The following RILPL1 variants were observed in gnomAD, a reference collection of about 807,000 sequenced individuals.
RILPL1 encodes Rab interacting lysosomal protein like 1.
Under a neutral mutation model 50.3 loss-of-function variants are expected in RILPL1, and 33 were observed. The observed-to-expected ratio is 0.66, with a 90% CI of 0.50 to 0.88. The LOEUF (loss-of-function observed/expected upper bound fraction) is 0.88. Among genes scored for constraint, RILPL1 ranks in the 40% least tolerant of loss-of-function variants. The probability of loss-of-function intolerance (pLI) is 0.00; values close to 1 mark genes in which losing one functional copy is unlikely to be tolerated. For missense variants in RILPL1, 418 were observed against 542.5 expected (o/e 0.77, Z 2.28); for synonymous variants, 205 against 228.6 (o/e 0.90, Z 0.93).
intron 5 of RILPL1, chr12:123,484,805 G>A (rs1007692032): frequency 3.2e-5 from 8 of 251,336 alleles, no homozygotes; most frequent in African/African-American, 8.9e-5. Context: ...TACAGGGTGA[G>A]CCACCATACC....
At chr12:123,484,041 C>G (rs1042435246) in intron 6 of RILPL1, 139 bp downstream of exon 6, 1 of 617,784 alleles carries the variant, frequency 1.6e-6, no homozygotes, top group Non-Finnish European at 2.9e-6. Flanking sequence ...AACTCAAAGT[C>G]GGGGGCCAGG....
chr12:123,501,783 A>G (rs1164165646), intron 2 of RILPL1, among the ~76,000 whole-genome samples: 12 of 149,762 alleles, frequency 8.0e-5, no homozygotes, highest in Non-Finnish European at 1.5e-4. Context: ...AAGAAAGAAA[A>G]GAAAAAAAAC....
At chr12:123,501,074 C>T (rs1051731701) in intron 2 of RILPL1, among the ~76,000 whole-genome samples, 4 of 151,850 alleles carry the variant, frequency 2.6e-5, no homozygotes, top group African/African-American at 9.7e-5. Flanking sequence ...TGCCATTGGA[C>T]TCCAGCCTGG....
intron 4 of RILPL1, among the ~76,000 whole-genome samples, chr12:123,490,193 G>A (rs1288953962): frequency 6.6e-6 from 1 of 152,044 alleles, no homozygotes; most frequent in Non-Finnish European, 1.5e-5. Flanking sequence ...GTGTCTCTGG[G>A]AGGGACCATC....
intron 4 of RILPL1, among the ~76,000 whole-genome samples, chr12:123,490,025 C>T (rs1882585882): frequency 6.6e-6 from 1 of 152,200 alleles, no homozygotes; most frequent in Non-Finnish European, 1.5e-5. Flanking sequence ...CGAGCAGCAG[C>T]TGCTCCCTTT....
rs1378050220 is a variant in RILPL1, at chr12:123,522,633, G to A, written c.460+862C>T. On this transcript the variant is annotated intron_variant, in intron 2 of 6. Transcript: ENST00000376874. This position sits in a 1 kb window ranked among gnomAD's most constrained non-coding sequence, Gnocchi z 4.0. ...TCTTTATTTTTTTCATCTTACTGTC[G>A]CTCAGGCTGTAGCGCAGTGGTATGA... Among the ~76,000 whole-genome samples, 4 of 151,852 alleles carry A rather than the reference G, an allele frequency of 2.6e-5. No homozygotes were observed. Among genetic ancestry groups the A allele is most frequent in the African/African-American group, 4.8e-5 (2 of 41,278 alleles).
intron 1 of RILPL1, among the ~76,000 whole-genome samples, chr12:123,532,422 A>C (rs917086933): frequency 1.3e-5 from 2 of 152,054 alleles, no homozygotes; most frequent in Admixed American, 1.3e-4. Flanking sequence ...CCCCCAATTC[A>C]AACAGGGTGG....
intron 2 of RILPL1, among the ~76,000 whole-genome samples, chr12:123,511,426 GTCTC>G (rs1308062573): frequency 7.8e-6 from 1 of 127,910 alleles, no homozygotes; most frequent in East Asian, 2.7e-4. Flanking sequence ...TGTGTGTGAG[GTCTC>G]TGTGTGTGTG....
rs187929961 is a variant in RILPL1 at position 123,521,656 on chromosome 12, T to C, written c.460+1839A>G. ...ACACATATGTGTATATATATACACA[T>C]ATATGTATATATATAAATATATATA... On this transcript the variant is annotated intron_variant, in intron 2 of 6. Coordinates refer to ENST00000376874, the MANE Select transcript of RILPL1 (RefSeq NM_178314.5). 1.3e-3 allele frequency among the ~76,000 whole-genome samples: 22 copies of C among 17,358 alleles called. 1 individual carries two copies. In the South Asian group the frequency reaches 0.049, roughly 39 times the overall value. The allele number at this position is 17,358 out of a possible 152,430, so 11.4% of individuals were successfully genotyped here. A position where few individuals can be genotyped will look rare whatever the true frequency, so the allele number is the denominator to read the frequency against.
chr12:123,484,869 AGGC>A, intron 5 of RILPL1: 1 of 264,100 alleles, frequency 3.8e-6, no homozygotes, highest in Non-Finnish European at 7.7e-6. Context: ...TATGTTGCCC[AGGC>A]TGGTTTCGAG....
chr12:123,498,863 A>G lies in RILPL1; in HGVS notation c.580-98T>C. 1 of 1,070,014 alleles carries G rather than the reference A, an allele frequency of 9.3e-7. No individual in the cohort carries two copies. The highest frequency in any genetic ancestry group is 1.4e-6 in the Non-Finnish European group (1 of 708,996). 66.3% of individuals were successfully genotyped at this position (1,070,014 alleles called of 1,614,324 possible). A position where few individuals can be genotyped will look rare whatever the true frequency, so the allele number is the denominator to read the frequency against. On this transcript the variant is annotated intron_variant, in intron 3 of 6. Transcript: ENST00000376874. The surrounding 1 kb of genome is among the most constrained non-coding windows in gnomAD (Gnocchi z 4.3). ...AACCATCCATAGGTGTGCCATTTAC[A>G]TTGCAGACATCTTTGTTTGAAAGTT...
At chr12:123,493,568 C>T in intron 4 of RILPL1, among the ~76,000 whole-genome samples, 1 of 152,166 alleles carries the variant, frequency 6.6e-6, no homozygotes, top group East Asian at 1.9e-4. Context: ...GCAACCCACC[C>T]CTTCAATGAG....
rs774122802 is a variant in RILPL1, at chr12:123,485,444, C to T, written c.974+189G>A. Reference sequence around the variant, plus strand: ...AATTAAAGGTGTGAGCTCTGGTGCCCGGCCTGGGCCCAAGAGTTTCAGAAA... The same window carrying T: ...AATTAAAGGTGTGAGCTCTGGTGCCTGGCCTGGGCCCAAGAGTTTCAGAAA... On this transcript the variant is annotated intron_variant, in intron 5 of 6. Coordinates refer to ENST00000376874, the MANE Select transcript of RILPL1 (RefSeq NM_178314.5). The surrounding 1 kb of genome is among the most constrained non-coding windows in gnomAD (Gnocchi z 4.0). Among the ~76,000 whole-genome samples, 20 of 152,174 alleles carry T rather than the reference C, an allele frequency of 1.3e-4. No individual in the cohort carries two copies. Among genetic ancestry groups the T allele is most frequent in the Non-Finnish European group, 1.9e-4 (13 of 68,036 alleles).
intron 6 of RILPL1, among the ~76,000 whole-genome samples, chr12:123,480,566 ATGAAGCTTCT>A (rs1881904805): frequency 1.3e-5 from 2 of 152,124 alleles, no homozygotes; most frequent in African/African-American, 2.4e-5. Flanking sequence ...ATCTGGGCTC[ATGAAGCTTCT>A]TGCAGTTTCT....
chr12:123,524,343 G>A (rs28501447), intron 1 of RILPL1, among the ~76,000 whole-genome samples: 2,962 of 152,322 alleles, frequency 0.019, 116 homozygotes, highest in African/African-American at 0.068. Context: ...GGTGGGAATG[G>A]AAAATGCTGC....
In RILPL1 at chr12:123,493,784, CTTT is replaced by C. The variant is rs34062051; in HGVS notation, c.801+4757_801+4759del. 3.2e-3 allele frequency among the ~76,000 whole-genome samples: 434 copies of C among 134,404 alleles called. 1 individual carries two copies. The highest frequency in any genetic ancestry group is 9.9e-3 in the African/African-American group (355 of 35,888). The allele number at this position is 134,404 out of a possible 152,430, so 88.2% of individuals were successfully genotyped here. A position where few individuals can be genotyped will look rare whatever the true frequency, so the allele number is the denominator to read the frequency against. On this transcript the variant is annotated intron_variant, in intron 4 of 6. Coordinates refer to ENST00000376874, the MANE Select transcript of RILPL1 (RefSeq NM_178314.5). ...CAAGATCTGTCCTGAGGCCCTGCCT[CTTT>C]TTTTTTTTTTTTTTTGAGATGAAGT...
intron 4 of RILPL1, among the ~76,000 whole-genome samples, chr12:123,488,649 G>T (rs984277138): frequency 6.6e-6 from 1 of 152,140 alleles, no homozygotes; most frequent in Non-Finnish European, 1.5e-5. Flanking sequence ...CCACTGCTGG[G>T]GCACGTCAGG....
intron 2 of RILPL1, 149 bp from the exon 3 acceptor site, chr12:123,499,685 C>G (rs771839817): frequency 4.6e-6 from 3 of 647,028 alleles, no homozygotes; most frequent in Non-Finnish European, 8.3e-6. Flanking sequence ...TCACGCCCTT[C>G]GCCCTCCCCG....
intron 2 of RILPL1, among the ~76,000 whole-genome samples, chr12:123,521,574 CACACATATGTGTAT>C (rs1885014799): frequency 5.9e-4 from 8 of 13,612 alleles, no homozygotes; most frequent in Non-Finnish European, 8.7e-4. Flanking sequence ...AATATATATA[CACACATATGTGTAT>C]ATATATATTA....
Sources: gnomAD v4.1 joint callset for allele counts (sites outside exome capture counted in the v4.1 genomes callset) on GRCh38, gnomAD v4.1.1 for gene constraint, Gnocchi (gnomAD v3.1) non-coding constraint, MANE v1.5 for transcripts, NCBI Gene and HGNC (gene_info 2026-07-23, HGNC 2026-07-21) for gene names.